LYST: variants seen among roughly 807,000 people sequenced by gnomAD.
The protein encoded by LYST is lysosomal-trafficking regulator.
A neutral mutation model predicts 413.6 loss-of-function variants in LYST; 192 were observed. The observed-to-expected ratio is 0.46, with a 90% CI of 0.41 to 0.52. The LOEUF is 0.52. LYST is among the 20% of genes least tolerant of loss of function. The pLI, the probability that LYST is intolerant of heterozygous loss-of-function variation, is 0.00. For synonymous variants in LYST, 1,525 were observed against 1,567.3 expected (o/e 0.97, Z 0.64); for missense variants, 3,815 against 4,499.9 (o/e 0.85, Z 4.35).
intron 44 of LYST, among the ~76,000 whole-genome samples, chr1:235,703,941 G>A (rs1021339089): frequency 5.7e-5 from 1 of 17,642 alleles, no homozygotes; most frequent in East Asian, 3.2e-4. Context: ...CACCAGTGTC[G>A]TTGTTCCCCT....
At chr1:235,876,322 C>A (rs1432192333) in intron 1 of LYST, among the ~76,000 whole-genome samples, 1 of 152,130 alleles carries the variant, frequency 6.6e-6, no homozygotes. Flanking sequence ...GTTTTCCCTC[C>A]CTCTCCTGCT....
Position 235,746,369 on chromosome 1 carries a change from T to C in LYST, c.7939A>G (p.Thr2647Ala), listed in dbSNP as rs1665927561. The C allele has an allele frequency of 9.3e-6, 15 of 1,613,838 alleles. No individual in the cohort carries two copies. Among genetic ancestry groups the C allele is most frequent in the Non-Finnish European group, 1.2e-5 (14 of 1,179,894 alleles). The change falls in exon 29 of 53, where the codon ACT (threonine) becomes GCT (alanine). Residue 2647 changes from threonine to alanine, a missense_variant. By Grantham distance (58) the Thr-to-Ala change is moderately conservative. This residue lies in a region of LYST where 771 missense variants were observed against 837.1 expected (regional missense o/e 0.92). Transcript: ENST00000389793. Reference sequence around the variant, plus strand: ...ATAATCCTGTTGACTGCTAAAACAGTGAGCCTCTGTAGTCTCTGCGCAAGT... The same window carrying C: ...ATAATCCTGTTGACTGCTAAAACAGCGAGCCTCTGTAGTCTCTGCGCAAGT... Reference protein sequence around the residue: ...TELAQRLQRLTVLAVNRIIYQ... With the variant: ...TELAQRLQRLAVLAVNRIIYQ...
At chr1:235,775,455 G>A (rs1431390110) in intron 17 of LYST, among the ~76,000 whole-genome samples, 1 of 152,148 alleles carries the variant, frequency 6.6e-6, no homozygotes, top group Non-Finnish European at 1.5e-5. Context: ...TCCCAATGGG[G>A]TCTACTGTCC....
In LYST at chr1:235,677,165, G is replaced by A. The variant is rs957215716; in HGVS notation, c.10964C>T (p.Ala3655Val). 1.1e-5 allele frequency: 17 copies of A among 1,613,284 alleles called. No homozygotes were observed. The highest frequency in any genetic ancestry group is 2.2e-5 in the East Asian group (1 of 44,862). ...LNRLCYVQSLAGHKSPVTAVS... is the reference protein window; with the variant it reads ...LNRLCYVQSLVGHKSPVTAVS... The stretch of plus-strand genomic sequence containing the variant: ...AGCTGTGACAGGGCTTTTGTGTCCC[G>A]CCAGACTTTGTACATAGCATAACCT... Residue 3655 changes from alanine to valine, a missense_variant, in exon 50 of 53, where the codon GCG (alanine) becomes GTG (valine). Coordinates refer to ENST00000389793, the MANE Select transcript of LYST (RefSeq NM_000081.4).
rs1016618832 is a variant in LYST at position 235,849,656 on chromosome 1, G to T, written c.-97-15989C>A. On this transcript the variant is annotated intron_variant, in intron 1 of 52. Transcript: ENST00000389793. ...TAGAAAGCTCACGGAACTGATAAAA[G>T]AATTCAACAAAGTTTCTGGATACAA... 2.6e-5 allele frequency among the ~76,000 whole-genome samples: 4 copies of T among 151,084 alleles called. No homozygotes were observed. In the South Asian group the frequency reaches 8.3e-4, roughly 32 times the overall value.
At chr1:235,862,150 G>A (rs1310139035) in intron 1 of LYST, among the ~76,000 whole-genome samples, 1 of 152,098 alleles carries the variant, frequency 6.6e-6, no homozygotes, top group Non-Finnish European at 1.5e-5. Context: ...TCCCAAACAG[G>A]CCAGTTGATA....
At chr1:235,693,585 G>T in intron 46 of LYST, 99 bp from the exon 47 acceptor site, 1 of 1,301,904 alleles carries the variant, frequency 7.7e-7, no homozygotes, top group Non-Finnish European at 1.1e-6. Flanking sequence ...TTACATAGCA[G>T]AACATATCAT....
intron 1 of LYST, among the ~76,000 whole-genome samples, chr1:235,857,680 C>T (rs549694741): frequency 1.0e-4 from 15 of 148,300 alleles, no homozygotes; most frequent in East Asian, 4.0e-4. Flanking sequence ...TGTGTGTGCG[C>T]GTGTGCACAC....
intron 50 of LYST, among the ~76,000 whole-genome samples, chr1:235,673,683 A>G (rs1352536904): frequency 6.6e-6 from 1 of 152,114 alleles, no homozygotes; most frequent in Non-Finnish European, 1.5e-5. Flanking sequence ...TGCCGTTAGA[A>G]AGGACTCTAC....
At chr1:235,737,840 G>T in intron 31 of LYST, 1 of 959,716 alleles carries the variant, frequency 1.0e-6, no homozygotes, top group Non-Finnish European at 1.3e-6. Context: ...AAACAGGGAA[G>T]GAAACAGCAT....
rs1558103504 is a variant in LYST, at chr1:235,674,266, A to T, written c.11038+2825T>A. On this transcript the variant is annotated intron_variant, in intron 50 of 52. Coordinates refer to ENST00000389793, the MANE Select transcript of LYST (RefSeq NM_000081.4). The surrounding 1 kb of genome is among the most constrained non-coding windows in gnomAD (Gnocchi z 4.1). The stretch of plus-strand genomic sequence containing the variant: ...CCTGTCTGCCCTTGTTTTCATCCCC[A>T]AGCGGATGTATGGTAGTATTGTAGT... Among the ~76,000 whole-genome samples the T allele has an allele frequency of 6.6e-6, 1 of 152,124 alleles. No individual in the cohort carries two copies. Among genetic ancestry groups the T allele is most frequent in the Non-Finnish European group, 1.5e-5 (1 of 68,018 alleles).
intron 25 of LYST, among the ~76,000 whole-genome samples, chr1:235,754,795 C>T (rs765682793): frequency 1.2e-4 from 18 of 151,938 alleles, no homozygotes; most frequent in African/African-American, 2.7e-4. Context: ...AAGACCTTGC[C>T]GGGTGTGGTG....
intron 44 of LYST, among the ~76,000 whole-genome samples, chr1:235,704,551 C>A (rs954248157): frequency 6.6e-6 from 1 of 152,056 alleles, no homozygotes; most frequent in African/African-American, 2.4e-5. Flanking sequence ...ACACGTATGT[C>A]TTGTTTTGAA....
intron 48 of LYST, among the ~76,000 whole-genome samples, chr1:235,680,164 T>C (rs1184566332): frequency 6.6e-6 from 1 of 152,132 alleles, no homozygotes; most frequent in African/African-American, 2.4e-5. Flanking sequence ...TTTTATCCAC[T>C]CTTCATCGTT....
chr1:235,865,919 A>C lies in LYST; in HGVS notation c.-98+924T>G, dbSNP rs116397326. Among the ~76,000 whole-genome samples, 383 of 152,320 alleles carry C rather than the reference A, an allele frequency of 2.5e-3. 1 individual carries two copies. The highest frequency in any genetic ancestry group is 8.8e-3 in the African/African-American group (366 of 41,578). On this transcript the variant is annotated intron_variant, in intron 1 of 52. Transcript: ENST00000389793. ...CAAATTCAACACGAACGCATTCAAC[A>C]CAAGATTCGACTCCCTTAAAATTTT...
upstream of LYST, among the ~76,000 whole-genome samples, chr1:235,870,813 G>A (rs969836060): frequency 6.6e-6 from 1 of 152,192 alleles, no homozygotes; most frequent in Non-Finnish European, 1.5e-5. Flanking sequence ...TGGATAAATA[G>A]TTAAATTAAG....
intron 3 of LYST, among the ~76,000 whole-genome samples, chr1:235,818,158 CT>C (rs944471627): frequency 3.3e-5 from 5 of 151,940 alleles, no homozygotes; most frequent in African/African-American, 1.2e-4. Flanking sequence ...TATATTACAA[CT>C]TTTTTTAAAA....
At chr1:235,728,392 T>C (rs531868707) in intron 37 of LYST, among the ~76,000 whole-genome samples, 1 of 152,350 alleles carries the variant, frequency 6.6e-6, no homozygotes, top group Admixed American at 6.5e-5. Context: ...GAAATTAAAT[T>C]AGAATATATG....
At chr1:235,853,504 A>C (rs1039893149) in intron 1 of LYST, among the ~76,000 whole-genome samples, 2 of 152,130 alleles carry the variant, frequency 1.3e-5, no homozygotes, top group South Asian at 2.1e-4. Context: ...AAAAAAAAAA[A>C]CATGTATAAC....
Sources: gnomAD v4.1 joint callset for allele counts (sites outside exome capture counted in the v4.1 genomes callset) on GRCh38, gnomAD v4.1.1 for gene constraint, gnomAD v4.1.1 regional missense constraint, Gnocchi (gnomAD v3.1) non-coding constraint, MANE v1.5 for transcripts, NCBI Gene and HGNC (gene_info 2026-07-23, HGNC 2026-07-21) for gene names.